The following EXOC5 variants were observed in gnomAD, a reference collection of about 807,000 sequenced individuals.
EXOC5 encodes the protein SEC10-like 1.
In EXOC5, 17 loss-of-function variants were observed where a neutral mutation model predicts 90.8. The observed-to-expected ratio is 0.19, with a 90% CI of 0.13 to 0.28. The LOEUF (loss-of-function observed/expected upper bound fraction) is 0.28. EXOC5 is among the 10% of genes least tolerant of loss of function. EXOC5 has a pLI of 1.00. For missense variants in EXOC5, 569 were observed against 830.6 expected (o/e 0.69, Z 3.87); for synonymous variants, 260 against 270.0 (o/e 0.96, Z 0.36).
rs2139601140 is a variant in EXOC5, at chr14:57,205,714, T to C, written c.*2895A>G. 2.7e-6 allele frequency: 1 copy of C among 366,958 alleles called. No homozygotes were observed. Among genetic ancestry groups the C allele is most frequent in the Non-Finnish European group, 5.2e-6 (1 of 191,336 alleles). 22.7% of individuals were successfully genotyped at this position (366,958 alleles called of 1,614,324 possible). A position where few individuals can be genotyped will look rare whatever the true frequency, so the allele number is the denominator to read the frequency against. ...TTCACTGTGAACCAGAAGGCTAGTA[T>C]TTAGAAAGCAAAATATTTAGAAGTG... On this transcript the variant is annotated 3_prime_UTR_variant, in exon 18 of 18. Transcript: ENST00000621441.
intron 16 of EXOC5, 36 bp downstream of exon 16, chr14:57,209,917 T>G (rs756749135): frequency 8.0e-7 from 1 of 1,255,914 alleles, no homozygotes; most frequent in Non-Finnish European, 1.1e-6. Context: ...ATGAAAATGT[T>G]AACAAAGTAT....
intron 4 of EXOC5, among the ~76,000 whole-genome samples, chr14:57,240,019 C>T (rs902108944): frequency 1.3e-5 from 2 of 151,914 alleles, no homozygotes; most frequent in Non-Finnish European, 2.9e-5. Flanking sequence ...AGTTTATGAA[C>T]CCGAAAAGGA....
In EXOC5 at chr14:57,202,663, T is replaced by C. The variant is rs1455969229; in HGVS notation, c.*5946A>G. ...AACATAATGTTAATCATGGTAAACTTTGTTCAATTCCTGTGTCCACTGTGC... is the reference window on the plus strand; with the variant it reads ...AACATAATGTTAATCATGGTAAACTCTGTTCAATTCCTGTGTCCACTGTGC... On this transcript the variant is annotated 3_prime_UTR_variant, in exon 18 of 18. Transcript: ENST00000621441. 6.6e-6 allele frequency: 1 copy of C among 152,180 alleles called. No homozygotes were observed. Among genetic ancestry groups the C allele is most frequent in the African/African-American group, 2.4e-5 (1 of 41,456 alleles). The allele number at this position is 152,180 out of a possible 1,614,324, so 9.4% of individuals were successfully genotyped here.
intron 15 of EXOC5, among the ~76,000 whole-genome samples, 153 bp from the exon 16 acceptor site, chr14:57,210,214 G>C (rs1401699988): frequency 6.6e-6 from 1 of 152,074 alleles, no homozygotes; most frequent in Admixed American, 6.6e-5. Flanking sequence ...ATTAGAAAAA[G>C]TCAGCTCTAG....
rs555445789 is a variant in EXOC5, at chr14:57,208,930, A to G, written c.1939-133T>C. ...GAAGTTCAACATATTAGAATTTTTT[A>G]AAGATCACAATGCATTAAAACTTAA... On this transcript the variant is annotated intron_variant, in intron 17 of 17. Coordinates refer to ENST00000621441, the MANE Select transcript of EXOC5 (RefSeq NM_006544.4). 7 of 557,764 alleles carry G rather than the reference A, an allele frequency of 1.3e-5. No individual in the cohort carries two copies. The South Asian group carries it at 2.1e-4, about 17-fold the overall frequency. The allele number at this position is 557,764 out of a possible 1,614,324, so 34.6% of individuals were successfully genotyped here.
intron 1 of EXOC5, among the ~76,000 whole-genome samples, chr14:57,251,284 C>G (rs1423582127): frequency 5.3e-5 from 8 of 152,164 alleles, no homozygotes; most frequent in Admixed American, 1.3e-4. Flanking sequence ...CAAAAAGGAC[C>G]CTGTCCTCCA....
rs141489979 is a variant in EXOC5 at position 57,244,429 on chromosome 14, A to T, written c.271-70T>A. ...GTTTATAATCTAAACTACTACTCTTATTGCTACTAACTAAAGATAACAGAA... is the reference window on the plus strand; with the variant it reads ...GTTTATAATCTAAACTACTACTCTTTTTGCTACTAACTAAAGATAACAGAA... On this transcript the variant is annotated intron_variant, in intron 3 of 17. Coordinates refer to ENST00000621441, the MANE Select transcript of EXOC5 (RefSeq NM_006544.4). The T allele has an allele frequency of 4.5e-4, 469 of 1,034,480 alleles. 3 individuals carry two copies. The Middle Eastern group carries it at 6.3e-3, about 14-fold the overall frequency. 64.1% of individuals were successfully genotyped at this position (1,034,480 alleles called of 1,614,324 possible).
intron 1 of EXOC5, among the ~76,000 whole-genome samples, chr14:57,262,672 A>G (rs1411364893): frequency 4.8e-5 from 7 of 145,364 alleles, no homozygotes; most frequent in South Asian, 2.1e-4. Flanking sequence ...ACATAAGTGT[A>G]TATATATACA....
At chr14:57,265,878 A>G (rs926620771) in intron 1 of EXOC5, among the ~76,000 whole-genome samples, 1 of 152,246 alleles carries the variant, frequency 6.6e-6, no homozygotes, top group African/African-American at 2.4e-5. Context: ...TCTGTCAACA[A>G]AAGTTGAAAC....
chr14:57,215,919 G>C (rs992358196), intron 15 of EXOC5, among the ~76,000 whole-genome samples: 1 of 152,026 alleles, frequency 6.6e-6, no homozygotes, highest in African/African-American at 2.4e-5. Context: ...ATCTTAGATA[G>C]AGAAAACTCT....
At chr14:57,257,784 G>A (rs1049031439) in intron 1 of EXOC5, among the ~76,000 whole-genome samples, 9 of 152,122 alleles carry the variant, frequency 5.9e-5, no homozygotes, top group African/African-American at 1.9e-4. Context: ...GGCGCTTACA[G>A]TGACAAAAAG....
chr14:57,233,979 T>C lies in EXOC5; in HGVS notation c.714+9A>G. 1 of 1,600,642 alleles carries C rather than the reference T, an allele frequency of 6.2e-7. No homozygotes were observed. The highest frequency in any genetic ancestry group is 8.6e-7 in the Non-Finnish European group (1 of 1,167,998). ...AAATAATATCCAACAAAGTGTACTG[T>C]TATGTTACCTCCTGGCACTGCTTTA... On this transcript the variant is annotated intron_variant, in intron 8 of 17. Coordinates refer to ENST00000621441, the MANE Select transcript of EXOC5 (RefSeq NM_006544.4).
chr14:57,252,998 C>A (rs1884238093), intron 1 of EXOC5, among the ~76,000 whole-genome samples: 1 of 151,998 alleles, frequency 6.6e-6, no homozygotes, highest in African/African-American at 2.4e-5. Flanking sequence ...ATGGATGAAC[C>A]AGGAGAACAT....
intron 14 of EXOC5, among the ~76,000 whole-genome samples, chr14:57,218,729 T>C (rs989821048): frequency 3.3e-5 from 5 of 152,100 alleles, no homozygotes; most frequent in Admixed American, 6.6e-5. Context: ...CATATCAATG[T>C]TTACAACAAA....
chr14:57,262,423 C>T (rs1884528370), intron 1 of EXOC5, among the ~76,000 whole-genome samples: 1 of 151,788 alleles, frequency 6.6e-6, no homozygotes, highest in African/African-American at 2.4e-5. Context: ...AGTGATACTT[C>T]CTAAACTGCT....
At chr14:57,229,206 T>A (rs1282050156) in intron 12 of EXOC5, among the ~76,000 whole-genome samples, 1 of 152,192 alleles carries the variant, frequency 6.6e-6, no homozygotes, top group African/African-American at 2.4e-5. Context: ...TATTCACATT[T>A]ATTCCTAATT....
intron 1 of EXOC5, among the ~76,000 whole-genome samples, chr14:57,267,792 A>C (rs1884724149): frequency 6.6e-6 from 1 of 152,212 alleles, no homozygotes; most frequent in Non-Finnish European, 1.5e-5. Flanking sequence ...TCGAGGAAAG[A>C]CATTAGTATT....
At chr14:57,217,959 AAG>A in intron 15 of EXOC5, 21 bp downstream of exon 15, 3 of 1,237,990 alleles carry the variant, frequency 2.4e-6, no homozygotes, top group Non-Finnish European at 2.4e-6. Context: ...AAAAAAATGC[AAG>A]AGACAAAACC....
At chr14:57,230,094 T>C (rs1314832776) in intron 11 of EXOC5, among the ~76,000 whole-genome samples, 3 of 152,186 alleles carry the variant, frequency 2.0e-5, no homozygotes, top group Non-Finnish European at 4.4e-5. Flanking sequence ...TTTGGACTTC[T>C]AATTTCTGAA....
Sources: gnomAD v4.1 joint callset for allele counts (sites outside exome capture counted in the v4.1 genomes callset) on GRCh38, gnomAD v4.1.1 for gene constraint, MANE v1.5 for transcripts, NCBI Gene and HGNC (gene_info 2026-07-23, HGNC 2026-07-21) for gene names.